DNAH7: variants seen among roughly 807,000 people sequenced by gnomAD.
DNAH7 encodes the protein axonemal beta dynein heavy chain 7.
A neutral mutation model predicts 444.6 loss-of-function variants in DNAH7; 397 were observed. The ratio of observed to expected loss-of-function variants is 0.89; its 90% CI spans 0.82 to 0.97. DNAH7 has a LOEUF of 0.97. DNAH7 is among the 50% of genes least tolerant of loss of function. The probability of loss-of-function intolerance (pLI) is 0.00; values close to 1 mark genes in which losing one functional copy is unlikely to be tolerated. For missense variants in DNAH7, 4,902 were observed against 4,800.8 expected (o/e 1.02, Z -0.62); for synonymous variants, 1,636 against 1,624.4 (o/e 1.01, Z -0.17).
chr2:195,917,811 T>C (rs1254937385), intron 24 of DNAH7, among the ~76,000 whole-genome samples: 1 of 152,182 alleles, frequency 6.6e-6, no homozygotes, highest in Non-Finnish European at 1.5e-5. Flanking sequence ...TGCACCACCA[T>C]ACTTGACCAT....
chr2:196,003,319 C>T (rs1436805321), intron 10 of DNAH7, among the ~76,000 whole-genome samples: 1 of 152,056 alleles, frequency 6.6e-6, no homozygotes, highest in African/African-American at 2.4e-5. Context: ...AAGAAATACA[C>T]AGGGGAAGGT....
At chr2:195,927,915 T>C (rs1688447999) in intron 21 of DNAH7, among the ~76,000 whole-genome samples, 1 of 152,108 alleles carries the variant, frequency 6.6e-6, no homozygotes, top group South Asian at 2.1e-4. Flanking sequence ...TAAAAGATAC[T>C]TATTTTCTAC....
chr2:195,885,779 G>T (rs1215416941), intron 34 of DNAH7, among the ~76,000 whole-genome samples: 3 of 152,072 alleles, frequency 2.0e-5, no homozygotes, highest in Non-Finnish European at 4.4e-5. Flanking sequence ...AAAATCAAGG[G>T]AAATAAAGCA....
intron 30 of DNAH7, among the ~76,000 whole-genome samples, 153 bp from the exon 31 acceptor site, chr2:195,891,957 T>C (rs984029135): frequency 2.0e-5 from 3 of 152,142 alleles, no homozygotes; most frequent in Non-Finnish European, 4.4e-5. Context: ...GGTCAATATA[T>C]AAAATCAATT....
chr2:195,744,459 G>A (rs1417535357), intron 63 of DNAH7, among the ~76,000 whole-genome samples: 1 of 152,216 alleles, frequency 6.6e-6, no homozygotes, highest in African/African-American at 2.4e-5. Flanking sequence ...AGTAACCTCT[G>A]CAGACTTAAA....
chr2:196,020,009 A>G (rs909338517), intron 8 of DNAH7, among the ~76,000 whole-genome samples: 6 of 144,110 alleles, frequency 4.2e-5, no homozygotes, highest in African/African-American at 1.6e-4. Flanking sequence ...CTCTATCACT[A>G]CCACCACCAT....
At chr2:196,064,083 G>A (rs1395093822) in intron 1 of DNAH7, 1 of 152,250 alleles carries the variant, frequency 6.6e-6, no homozygotes, top group Non-Finnish European at 1.5e-5. Context: ...TTGGGAGGCT[G>A]AGGCAGGCGG....
intron 19 of DNAH7, among the ~76,000 whole-genome samples, chr2:195,946,679 TTC>T (rs773159712): frequency 4.6e-5 from 7 of 152,012 alleles, no homozygotes; most frequent in South Asian, 2.1e-4. Context: ...CTCTCTTTCT[TTC>T]TCTCTCTTTC....
chr2:195,843,822 C>A (rs116376402), intron 47 of DNAH7, among the ~76,000 whole-genome samples: 2 of 152,076 alleles, frequency 1.3e-5, no homozygotes, highest in Non-Finnish European at 2.9e-5. Context: ...AGAGGCCAGG[C>A]GCAGTGGTTT....
chr2:195,957,447 T>C lies in DNAH7; in HGVS notation c.2892A>G (p.Arg964=), dbSNP rs747621024. Residue 964 remains arginine (R), a splice_region_variant and synonymous_variant, in exon 19 of 65, where the codon AGA becomes AGG. Transcript: ENST00000312428. ...PFIKPYEKQM[R]EWEGKLLLLQ... is the part of the protein sequence containing the mutation. ...GCAGTAGGAGCTTGCCCTCCCATTCTCTGAGGAGCAAAACACAGTGGCTCT... is the reference window on the plus strand; with the variant it reads ...GCAGTAGGAGCTTGCCCTCCCATTCCCTGAGGAGCAAAACACAGTGGCTCT... 3 of 1,531,380 alleles carry C rather than the reference T, an allele frequency of 2.0e-6. No individual in the cohort carries two copies. Among genetic ancestry groups the C allele is most frequent in the Non-Finnish European group, 2.7e-6 (3 of 1,127,470 alleles). The allele number at this position is 1,531,380 out of a possible 1,614,324, so 94.9% of individuals were successfully genotyped here.
At chr2:195,839,865 A>G (rs1698579164) in intron 47 of DNAH7, among the ~76,000 whole-genome samples, 1 of 151,842 alleles carries the variant, frequency 6.6e-6, no homozygotes, top group South Asian at 2.1e-4. Flanking sequence ...AATTGAATTC[A>G]TGGATAAAAT....
In DNAH7 at chr2:195,862,068, G is replaced by T. The variant is rs532745730; in HGVS notation, c.7507-122C>A. On this transcript the variant is annotated intron_variant, in intron 41 of 64. Coordinates refer to ENST00000312428, the MANE Select transcript of DNAH7 (RefSeq NM_018897.3). ...AGGGGAATAGTGTGAGGGATGGTGTGGGAGAGACAATTTCATAAGAAACTT... is the reference window on the plus strand; with the variant it reads ...AGGGGAATAGTGTGAGGGATGGTGTTGGAGAGACAATTTCATAAGAAACTT... The T allele has an allele frequency of 1.6e-4, 119 of 738,024 alleles. 2 individuals are homozygous for T. The Admixed American group carries it at 3.2e-3, about 20-fold the overall frequency. The allele number at this position is 738,024 out of a possible 1,614,324, so 45.7% of individuals were successfully genotyped here.
chr2:196,033,778 C>T (rs756023698), intron 5 of DNAH7, among the ~76,000 whole-genome samples: 1 of 152,242 alleles, frequency 6.6e-6, no homozygotes, highest in African/African-American at 2.4e-5. Context: ...CTTGAACATA[C>T]TAATTTCAAA....
At chr2:195,906,067 C>G (rs1208458750) in intron 27 of DNAH7, among the ~76,000 whole-genome samples, 1 of 151,892 alleles carries the variant, frequency 6.6e-6, no homozygotes, top group Non-Finnish European at 1.5e-5. Flanking sequence ...TGGGAACGTG[C>G]TCATGATATA....
chr2:195,923,604 G>T lies in DNAH7; in HGVS notation c.3816C>A (p.Tyr1272Ter). Residue 1272 changes from tyrosine (Y) to a stop codon, truncating the protein, a stop_gained, in exon 23 of 65, where the codon TAC becomes TAA. Coordinates refer to ENST00000312428, the MANE Select transcript of DNAH7 (RefSeq NM_018897.3). LOFTEE classifies it high-confidence loss of function. ...CAGTGATACCACTTACTTGCCAGTA[G>T]TACCTAAGCTGACTTAACCATTCAA... is the stretch of plus-strand genomic sequence containing the variant. ...SDFEWLSQLR[Y>*]YWQENHLETK... 5.6e-6 allele frequency: 9 copies of T among 1,614,000 alleles called. No homozygotes were observed. Among genetic ancestry groups the T allele is most frequent in the Non-Finnish European group, 7.6e-6 (9 of 1,179,950 alleles).
At position 195,906,699 on chromosome 2, in the gene DNAH7, G is replaced by C. The variant is rs779989120; in HGVS notation, c.4295C>G (p.Pro1432Arg). The C allele has an allele frequency of 1.9e-6, 3 of 1,613,152 alleles. No individual in the cohort carries two copies. In the East Asian group the frequency reaches 6.7e-5, roughly 36 times the overall value. Residue 1432 changes from proline (P) to arginine (R), a missense_variant, in exon 27 of 65, where the codon CCT becomes CGT. Coordinates refer to ENST00000312428, the MANE Select transcript of DNAH7 (RefSeq NM_018897.3). ...PTCAVFITMN[P>R]GYAGRSELPD... ...CAGTTCTGATCGCCCAGCATACCCAGGGTTCATTGTTATAAAGACAGCACA... is the reference window on the plus strand; with the variant it reads ...CAGTTCTGATCGCCCAGCATACCCACGGTTCATTGTTATAAAGACAGCACA...
intron 47 of DNAH7, among the ~76,000 whole-genome samples, chr2:195,840,725 G>A (rs1698633687): frequency 6.6e-6 from 1 of 151,736 alleles, no homozygotes; most frequent in Non-Finnish European, 1.5e-5. Context: ...AATCTTTTAA[G>A]TACCACACAG....
intron 47 of DNAH7, among the ~76,000 whole-genome samples, chr2:195,837,754 C>A (rs550403206): frequency 6.6e-6 from 1 of 152,044 alleles, no homozygotes; most frequent in East Asian, 1.9e-4. Flanking sequence ...GTGCAGTTAC[C>A]CAAAACACTG....
intron 47 of DNAH7, among the ~76,000 whole-genome samples, chr2:195,836,840 C>T (rs758580780): frequency 1.3e-5 from 2 of 152,142 alleles, no homozygotes; most frequent in African/African-American, 2.4e-5. Context: ...TCTTGTATCA[C>T]TTCCACATTT....
Sources: gnomAD v4.1 joint callset for allele counts (sites outside exome capture counted in the v4.1 genomes callset) on GRCh38, gnomAD v4.1.1 for gene constraint, MANE v1.5 for transcripts, NCBI Gene and HGNC (gene_info 2026-07-23, HGNC 2026-07-21) for gene names.